NFAT5: variants seen among roughly 807,000 people sequenced by gnomAD.
The protein encoded by NFAT5 is nuclear factor of activated T-cells 5.
Under a neutral mutation model 166.5 loss-of-function variants are expected in NFAT5, and 31 were observed. That is an observed-to-expected ratio of 0.19 (90% CI 0.14 to 0.25). The LOEUF (loss-of-function observed/expected upper bound fraction) is 0.25. NFAT5 is among the 10% of genes least tolerant of loss of function. The probability of loss-of-function intolerance (pLI) is 1.00; values close to 1 mark genes in which losing one functional copy is unlikely to be tolerated. For missense variants in NFAT5, 1,449 were observed against 1,821.8 expected (o/e 0.80, Z 3.72); for synonymous variants, 612 against 639.7 (o/e 0.96, Z 0.65).
chr16:69,646,937 A>G lies in NFAT5; in HGVS notation c.254-91A>G, dbSNP rs146132325. 911 of 1,080,370 alleles carry G rather than the reference A, an allele frequency of 8.4e-4. 2 individuals are homozygous for G. The highest frequency in any genetic ancestry group is 7.1e-3 in the Middle Eastern group (22 of 3,118). 66.9% of individuals were successfully genotyped at this position (1,080,370 alleles called of 1,614,324 possible). A position where few individuals can be genotyped will look rare whatever the true frequency, so the allele number is the denominator to read the frequency against. Reference sequence around the variant, plus strand: ...TGACTATTCATTTTGGGGAAAAACAATCAGTTCACAAATCACATTTTCAAT... The same window carrying G: ...TGACTATTCATTTTGGGGAAAAACAGTCAGTTCACAAATCACATTTTCAAT... On this transcript the variant is annotated intron_variant, in intron 3 of 14. Coordinates refer to ENST00000349945, the MANE Select transcript of NFAT5 (RefSeq NM_138713.4).
chr16:69,600,850 A>G (rs946393648), intron 2 of NFAT5, among the ~76,000 whole-genome samples: 10 of 150,510 alleles, frequency 6.6e-5, no homozygotes, highest in South Asian at 2.1e-4. Flanking sequence ...ATTTTTCTCT[A>G]TCAAAACTTA....
At chr16:69,686,572 A>G (rs1163994009) in intron 11 of NFAT5, among the ~76,000 whole-genome samples, 1 of 152,130 alleles carries the variant, frequency 6.6e-6, no homozygotes, top group Non-Finnish European at 1.5e-5. Flanking sequence ...TTGATAAAAA[A>G]TTTAAATCAG....
rs1295767019 is a variant in NFAT5 at position 69,701,859 on chromosome 16, A to C, written c.*5508A>C. The C allele has an allele frequency of 6.6e-6, 1 of 152,186 alleles. No homozygotes were observed. Among genetic ancestry groups the C allele is most frequent in the Non-Finnish European group, 1.5e-5 (1 of 68,044 alleles). The allele number at this position is 152,186 out of a possible 1,614,324, so 9.4% of individuals were successfully genotyped here. A position where few individuals can be genotyped will look rare whatever the true frequency, so the allele number is the denominator to read the frequency against. ...TGTACTTCTTGTCTATCCTCAGTTA[A>C]TTTACCTAGACAAAAAGTGTCAAAG... On this transcript the variant is annotated 3_prime_UTR_variant, in exon 15 of 15. Coordinates refer to ENST00000349945, the MANE Select transcript of NFAT5 (RefSeq NM_138713.4).
intron 6 of NFAT5, among the ~76,000 whole-genome samples, chr16:69,658,066 A>G (rs1299763758): frequency 6.6e-6 from 1 of 151,224 alleles, no homozygotes; most frequent in African/African-American, 2.4e-5. Flanking sequence ...CCTGGGCGAC[A>G]GGGCGAGACT....
At chr16:69,614,721 A>G (rs767229967) in intron 2 of NFAT5, among the ~76,000 whole-genome samples, 1 of 152,052 alleles carries the variant, frequency 6.6e-6, no homozygotes, top group Non-Finnish European at 1.5e-5. Context: ...TTGTCCTTAG[A>G]TCCTATTTGG....
At chr16:69,665,021 C>T (rs1899943543) in intron 7 of NFAT5, among the ~76,000 whole-genome samples, 2 of 152,078 alleles carry the variant, frequency 1.3e-5, no homozygotes, top group African/African-American at 4.8e-5. Context: ...GAACAAAACT[C>T]CGTCTCAAAT....
intron 9 of NFAT5, among the ~76,000 whole-genome samples, chr16:69,671,415 G>C (rs959307343): frequency 1.3e-5 from 2 of 152,216 alleles, no homozygotes; most frequent in African/African-American, 4.8e-5. Context: ...TCTGTCGCCA[G>C]GCTGGCATAC....
At chr16:69,672,931 A>G (rs1450517641) in intron 9 of NFAT5, among the ~76,000 whole-genome samples, 1 of 152,246 alleles carries the variant, frequency 6.6e-6, no homozygotes, top group Non-Finnish European at 1.5e-5. Context: ...TATCAATGAC[A>G]TAGCCCCAAC....
rs2035494656 is a variant in NFAT5, at chr16:69,647,646, A to T, written c.812+60A>T. 6.9e-7 allele frequency: 1 copy of T among 1,455,076 alleles called. No individual in the cohort carries two copies. Among genetic ancestry groups the T allele is most frequent in the Non-Finnish European group, 9.1e-7 (1 of 1,096,426 alleles). 90.1% of individuals were successfully genotyped at this position (1,455,076 alleles called of 1,614,324 possible). On this transcript the variant is annotated intron_variant, in intron 4 of 14. Transcript: ENST00000349945. This position sits in a 1 kb window ranked among gnomAD's most constrained non-coding sequence, Gnocchi z 4.8. ...TTATGCAAAACAAACAAACAAAAAA[A>T]ATTCCCAATTTTTCCTAATTGCTGA...
rs1226313133 is a variant in NFAT5, at chr16:69,697,879, C to T, written c.*1528C>T. ...AATGTTTTGGTATCCTTGTCCGTTT[C>T]ATTTATTTTTTAAGTGTACAAAAAA... On this transcript the variant is annotated 3_prime_UTR_variant, in exon 15 of 15. Transcript: ENST00000349945. The T allele has an allele frequency of 2.0e-5, 3 of 150,328 alleles. No homozygotes were observed. The allele number at this position is 150,328 out of a possible 1,614,324, so 9.3% of individuals were successfully genotyped here. A position where few individuals can be genotyped will look rare whatever the true frequency, so the allele number is the denominator to read the frequency against.
intron 2 of NFAT5, among the ~76,000 whole-genome samples, chr16:69,619,495 A>G (rs1278194243): frequency 2.0e-5 from 3 of 152,172 alleles, no homozygotes; most frequent in African/African-American, 7.2e-5. Flanking sequence ...TTCTTTTTTT[A>G]CTATAATACA....
intron 2 of NFAT5, among the ~76,000 whole-genome samples, chr16:69,613,497 T>C (rs1047318966): frequency 6.6e-6 from 1 of 152,230 alleles, no homozygotes; most frequent in Non-Finnish European, 1.5e-5. Flanking sequence ...TTTCATCTCA[T>C]GTTACTGCTT....
rs1190306661 is a variant in NFAT5 at position 69,568,346 on chromosome 16, A to ATATGTGTG, written c.74-148_74-147insATGTGTGT. 1.9e-3 allele frequency: 338 copies of ATATGTGTG among 180,614 alleles called. 3 individuals carry two copies. Among genetic ancestry groups the ATATGTGTG allele is most frequent in the Admixed American group, 5.2e-3 (67 of 12,988 alleles). 11.2% of individuals were successfully genotyped at this position (180,614 alleles called of 1,614,324 possible). On this transcript the variant is annotated intron_variant, in intron 1 of 14. Transcript: ENST00000349945. Reference sequence around the variant, plus strand: ...AAAATGTATGTGTGTATATATATATATGTGTGTGTGTGTGTGTGTGTGTGT... The same window carrying ATATGTGTG: ...AAAATGTATGTGTGTATATATATATATATGTGTGTGTGTGTGTGTGTGTGTGTGTGTGT...
At chr16:69,694,329 C>T (rs2037683954) in intron 13 of NFAT5, 90 bp downstream of exon 13, 1 of 975,626 alleles carries the variant, frequency 1.0e-6, no homozygotes. Context: ...GCTCACTGCA[C>T]CTGCACCCTC....
chr16:69,693,673 A>C lies in NFAT5; in HGVS notation c.3848A>C (p.Gln1283Pro). The C allele has an allele frequency of 6.2e-7, 1 of 1,614,206 alleles. No individual in the cohort carries two copies. Among genetic ancestry groups the C allele is most frequent in the Non-Finnish European group, 8.5e-7 (1 of 1,180,038 alleles). The change falls in exon 13 of 15, where the codon CAA (glutamine) becomes CCA (proline). Residue 1283 changes from glutamine to proline, a missense_variant. This residue lies in a region of NFAT5 where 891 missense variants were observed against 993.0 expected (regional missense o/e 0.90). Coordinates refer to ENST00000349945, the MANE Select transcript of NFAT5 (RefSeq NM_138713.4). The stretch of plus-strand genomic sequence containing the variant: ...CAGCAGCAACAGCAGCAGCAACAAC[A>C]ACAGAGCATTTTATTCAGTAATCAG... ...QQQQQQQQQQQQSILFSNQNT... is the reference protein window; with the variant it reads ...QQQQQQQQQQPQSILFSNQNT...
chr16:69,623,708 T>C (rs1261992828), intron 2 of NFAT5, among the ~76,000 whole-genome samples: 2 of 152,018 alleles, frequency 1.3e-5, no homozygotes, highest in Non-Finnish European at 2.9e-5. Flanking sequence ...GGTTTCTCCA[T>C]GTTGGTCAGG....
chr16:69,577,068 G>T (rs1021539267), intron 2 of NFAT5, among the ~76,000 whole-genome samples: 1 of 152,164 alleles, frequency 6.6e-6, no homozygotes, highest in African/African-American at 2.4e-5. Flanking sequence ...TTTGCATAGA[G>T]CCTTTATTAA....
intron 2 of NFAT5, among the ~76,000 whole-genome samples, chr16:69,573,353 C>T (rs1364753892): frequency 6.6e-6 from 1 of 151,774 alleles, no homozygotes; most frequent in African/African-American, 2.4e-5. Context: ...TAGAATATTT[C>T]TGATTTATAT....
intron 1 of NFAT5, 149 bp from the exon 2 acceptor site, chr16:69,568,346 A>ATATGTGTGTGTG (rs1190306661): frequency 2.6e-3 from 474 of 180,566 alleles, no homozygotes; most frequent in East Asian, 3.8e-3. Context: ...ATATATATAT[A>ATATGTGTGTGTG]TGTGTGTGTG....
Sources: gnomAD v4.1 joint callset for allele counts (sites outside exome capture counted in the v4.1 genomes callset) on GRCh38, gnomAD v4.1.1 for gene constraint, gnomAD v4.1.1 regional missense constraint, Gnocchi (gnomAD v3.1) non-coding constraint, MANE v1.5 for transcripts, NCBI Gene and HGNC (gene_info 2026-07-23, HGNC 2026-07-21) for gene names.